TTC28: variants seen among roughly 807,000 people sequenced by gnomAD.
TTC28 encodes tetratricopeptide repeat domain 28.
A neutral mutation model predicts 198.0 loss-of-function variants in TTC28; 61 were observed. That is an observed-to-expected ratio of 0.31 (90% CI 0.25 to 0.38). TTC28 has a LOEUF of 0.38. Ranked by LOEUF, TTC28 falls within the 10% of genes least tolerant of loss-of-function variation. TTC28 has a pLI of 1.00. For synonymous variants in TTC28, 1,171 were observed against 1,297.8 expected (o/e 0.90, Z 2.10); for missense variants, 2,678 against 3,164.0 (o/e 0.85, Z 3.69).
At chr22:28,148,678 T>C (rs1303300921) in intron 6 of TTC28, among the ~76,000 whole-genome samples, 2 of 151,502 alleles carry the variant, frequency 1.3e-5, no homozygotes, top group South Asian at 2.1e-4. Flanking sequence ...GAAAAAATCA[T>C]AGAATTTCAG....
chr22:28,148,538 G>A (rs1569163078), intron 6 of TTC28, among the ~76,000 whole-genome samples: 2 of 151,918 alleles, frequency 1.3e-5, no homozygotes, highest in Middle Eastern at 3.4e-3. Context: ...GCATGAACCC[G>A]GGAGGTGGAC....
At chr22:28,186,895 C>T (rs770949925) in intron 5 of TTC28, among the ~76,000 whole-genome samples, 1 of 152,162 alleles carries the variant, frequency 6.6e-6, no homozygotes, top group Non-Finnish European at 1.5e-5. Flanking sequence ...TCCTGTTCTG[C>T]CTTCTTTCCA....
chr22:28,312,284 C>T (rs971580910), intron 2 of TTC28, among the ~76,000 whole-genome samples: 2 of 152,150 alleles, frequency 1.3e-5, no homozygotes, highest in Admixed American at 6.5e-5. Context: ...TAACACCCCA[C>T]TGTCAATATT....
chr22:28,508,434 C>T (rs1382226286), intron 2 of TTC28, among the ~76,000 whole-genome samples: 1 of 152,134 alleles, frequency 6.6e-6, no homozygotes, highest in Non-Finnish European at 1.5e-5. Context: ...CAGGCACCTG[C>T]CAAGATGCCC....
chr22:28,663,587 A>G (rs1481969447), intron 1 of TTC28, among the ~76,000 whole-genome samples: 21 of 122,126 alleles, frequency 1.7e-4, no homozygotes, highest in African/African-American at 6.7e-4. Context: ...CGCTTTTCAG[A>G]CCGGCTTAAG....
At position 28,297,639 on chromosome 22, in the gene TTC28, C is replaced by T; in HGVS notation, c.743G>A (p.Gly248Glu). ...SALSSAYWSL[G>E]NTEKSTGYMQ... The stretch of plus-strand genomic sequence containing the variant: ...ATATCCGGTGCTCTTCTCTGTATTT[C>T]CAAGAGACCAGTAAGCACTGCTCAG... Residue 248 changes from glycine to glutamate, a missense_variant, in exon 4 of 23, where the codon GGA becomes GAA. Around this residue, in one of 8 missense-constraint regions of TTC28, gnomAD observed 36 missense variants for 78.7 expected, o/e 0.46. Coordinates refer to ENST00000397906, the MANE Select transcript of TTC28 (RefSeq NM_001145418.2). The T allele has an allele frequency of 6.4e-7, 1 of 1,551,684 alleles. No homozygotes were observed. Among genetic ancestry groups the T allele is most frequent in the African/African-American group, 1.4e-5 (1 of 73,154 alleles).
At position 28,596,424 on chromosome 22, in the gene TTC28, A is replaced by G. The variant is rs1249537154; in HGVS notation, c.381+33128T>C. ...GAATTTTATTCTAAGTGAGATGGGA[A>G]GTTATTTAAGGCTCCATAATACTTA... is the stretch of plus-strand genomic sequence containing the variant. On this transcript the variant is annotated intron_variant, in intron 2 of 22. Transcript: ENST00000397906. Among the ~76,000 whole-genome samples the G allele has an allele frequency of 5.9e-5, 9 of 152,338 alleles. No individual in the cohort carries two copies. In the East Asian group the frequency reaches 1.7e-3, roughly 29 times the overall value.
chr22:28,019,144 A>AT (rs1938494361), intron 13 of TTC28, among the ~76,000 whole-genome samples: 1 of 152,168 alleles, frequency 6.6e-6, no homozygotes, highest in African/African-American at 2.4e-5. Context: ...TTGCCTAGAC[A>AT]TGTCACCAAA....
intron 2 of TTC28, among the ~76,000 whole-genome samples, chr22:28,607,841 C>T (rs1480146542): frequency 1.3e-5 from 2 of 152,192 alleles, no homozygotes; most frequent in Non-Finnish European, 2.9e-5. Context: ...CTCTCTATTT[C>T]TACCACCACT....
chr22:28,143,153 C>G (rs1168143270), intron 6 of TTC28, among the ~76,000 whole-genome samples: 3 of 152,130 alleles, frequency 2.0e-5, no homozygotes, highest in Non-Finnish European at 4.4e-5. Flanking sequence ...TCTTGACTCC[C>G]AAGATAAGAA....
At chr22:28,484,190 C>T (rs1388425742) in intron 2 of TTC28, among the ~76,000 whole-genome samples, 2 of 152,124 alleles carry the variant, frequency 1.3e-5, no homozygotes, top group East Asian at 1.9e-4. Context: ...GTGGTGCAGC[C>T]GTGATCTCTC....
intron 2 of TTC28, among the ~76,000 whole-genome samples, chr22:28,331,572 A>G (rs554176636): frequency 7.4e-4 from 112 of 152,246 alleles, no homozygotes; most frequent in Middle Eastern, 3.4e-3. Flanking sequence ...TACATAATCT[A>G]TCCATCAATA....
chr22:28,475,862 C>T (rs1460097940), intron 2 of TTC28, among the ~76,000 whole-genome samples: 4 of 152,116 alleles, frequency 2.6e-5, no homozygotes, highest in African/African-American at 9.7e-5. Flanking sequence ...CAAGCCCATC[C>T]ACTCTCGTAA....
intron 5 of TTC28, among the ~76,000 whole-genome samples, chr22:28,294,813 T>A (rs1409163975): frequency 6.6e-6 from 1 of 152,156 alleles, no homozygotes; most frequent in African/African-American, 2.4e-5. Context: ...ATGATCCGCC[T>A]GCCTCAGCCT....
chr22:28,399,735 A>G (rs1281323872), intron 2 of TTC28, among the ~76,000 whole-genome samples: 1 of 152,154 alleles, frequency 6.6e-6, no homozygotes, highest in East Asian at 1.9e-4. Flanking sequence ...GTTTCATATT[A>G]CCAAAATCAC....
intron 20 of TTC28, 112 bp downstream of exon 20, chr22:27,990,677 G>A: frequency 1.9e-6 from 2 of 1,067,132 alleles, no homozygotes; most frequent in East Asian, 2.7e-5. Context: ...AGCCCGTGTG[G>A]CTCCGTTTGA....
chr22:28,639,145 C>G (rs2051321621), intron 1 of TTC28, among the ~76,000 whole-genome samples: 1 of 152,110 alleles, frequency 6.6e-6, no homozygotes, highest in Non-Finnish European at 1.5e-5. Context: ...TTTGTATTAG[C>G]ATGATGTTAG....
intron 6 of TTC28, among the ~76,000 whole-genome samples, chr22:28,158,945 G>C (rs1943820352): frequency 6.6e-6 from 1 of 152,164 alleles, no homozygotes; most frequent in Non-Finnish European, 1.5e-5. Context: ...TTTTTGAACA[G>C]CAAAGGATAC....
intron 5 of TTC28, among the ~76,000 whole-genome samples, chr22:28,286,784 A>G (rs1384050797): frequency 6.6e-6 from 1 of 152,136 alleles, no homozygotes; most frequent in African/African-American, 2.4e-5. Flanking sequence ...AATACCATTT[A>G]CAATAGTGAG....
Sources: allele counts gnomAD v4.1 joint callset (sites outside exome capture counted in the v4.1 genomes callset), GRCh38; gene constraint gnomAD v4.1.1; regional missense constraint gnomAD v4.1.1; transcripts MANE v1.5; gene names NCBI Gene and HGNC (gene_info 2026-07-23, HGNC 2026-07-21).